The following FRMD6 variants were observed in gnomAD, a reference collection of about 807,000 sequenced individuals.
FRMD6 encodes FERM domain-containing protein 6.
FRMD6 carries 37 observed loss-of-function variants against 73.2 expected under a neutral mutation model. The ratio of observed to expected loss-of-function variants is 0.51; its 90% CI spans 0.39 to 0.66. The LOEUF (loss-of-function observed/expected upper bound fraction) is 0.66. Ranked by LOEUF, FRMD6 falls within the 30% of genes least tolerant of loss-of-function variation. FRMD6 has a pLI of 0.00. For missense variants in FRMD6, 714 were observed against 780.5 expected, an observed-to-expected ratio of 0.91 and a Z score of 1.02; for synonymous variants, 273 against 282.2, an observed-to-expected ratio of 0.97 and a Z score of 0.33.
chr14:51,637,984 A>G (rs1305137856), intron 2 of FRMD6: 2 of 152,202 alleles, frequency 1.3e-5, no homozygotes, highest in Non-Finnish European at 2.9e-5. Context: ...GCAATCTTTA[A>G]GAAATAAAGT....
intron 1 of FRMD6, among the ~76,000 whole-genome samples, chr14:51,687,510 A>G (rs937122498): frequency 2.0e-5 from 3 of 152,306 alleles, no homozygotes; most frequent in African/African-American, 7.2e-5. Flanking sequence ...TCTAAATGGT[A>G]TGCCTAAGAA....
intron 2 of FRMD6, among the ~76,000 whole-genome samples, chr14:51,605,254 G>GTC (rs10681065): frequency 0.74 from 111,228 of 149,546 alleles, 42,710 homozygotes; most frequent in East Asian, 0.89. Flanking sequence ...GTGAACAAAG[G>GTC]TCTGGTTTTC....
the FRMD6 span, among the ~76,000 whole-genome samples, chr14:51,440,974 T>A: frequency 6.6e-6 from 1 of 152,250 alleles, no homozygotes; most frequent in African/African-American, 2.4e-5. Flanking sequence ...TTCTGCAACT[T>A]TTAGATGTTT....
At chr14:51,540,420 C>T (rs780977143) in intron 1 of FRMD6, among the ~76,000 whole-genome samples, 27 of 152,094 alleles carry the variant, frequency 1.8e-4, no homozygotes, top group Admixed American at 2.6e-4. Context: ...GTTTTGAGAC[C>T]TTTTACCCGT....
upstream of FRMD6, among the ~76,000 whole-genome samples, chr14:51,487,486 A>T (rs1882794101): frequency 6.6e-6 from 1 of 152,186 alleles, no homozygotes; most frequent in South Asian, 2.1e-4. Context: ...AGACTGGATT[A>T]AGGCCTGAGG....
intron 2 of FRMD6, among the ~76,000 whole-genome samples, chr14:51,632,012 AC>A (rs1374950910): frequency 3.3e-5 from 5 of 152,242 alleles, no homozygotes; most frequent in Non-Finnish European, 7.4e-5. Context: ...CATAATCTCC[AC>A]ATGTGGAGGG....
At chr14:51,531,939 T>C (rs1464755734) in intron 1 of FRMD6, among the ~76,000 whole-genome samples, 1 of 152,266 alleles carries the variant, frequency 6.6e-6, no homozygotes, top group Non-Finnish European at 1.5e-5. Context: ...GTATATGTGC[T>C]ATCCATCTAT....
the FRMD6 span, among the ~76,000 whole-genome samples, chr14:51,461,076 A>G: frequency 1.3e-5 from 2 of 152,214 alleles, no homozygotes; most frequent in Non-Finnish European, 2.9e-5. Flanking sequence ...TGGGATTAGC[A>G]GATTTTGACT....
At chr14:51,654,315 G>GGT (rs1892664473) in intron 1 of FRMD6, among the ~76,000 whole-genome samples, 1 of 130,942 alleles carries the variant, frequency 7.6e-6, no homozygotes, top group East Asian at 2.4e-4. Flanking sequence ...TGGGGGGGGG[G>GGT]TCTTTTTGTA....
intron 10 of FRMD6, among the ~76,000 whole-genome samples, chr14:51,718,654 T>C (rs1193396271): frequency 6.6e-6 from 1 of 152,212 alleles, no homozygotes; most frequent in Non-Finnish European, 1.5e-5. Flanking sequence ...TGTACATGGA[T>C]GCATTTTTGT....
intron 2 of FRMD6, among the ~76,000 whole-genome samples, chr14:51,570,864 TA>T (rs1888097972): frequency 1.3e-5 from 2 of 152,260 alleles, no homozygotes; most frequent in Non-Finnish European, 1.5e-5. Context: ...GCTTGCTTCA[TA>T]AAATCATACA....
intron 1 of FRMD6, among the ~76,000 whole-genome samples, chr14:51,657,580 GTTTC>G (rs2140137559): frequency 6.6e-6 from 1 of 152,282 alleles, no homozygotes; most frequent in Non-Finnish European, 1.5e-5. Context: ...AATATGCCCA[GTTTC>G]TTTATCCATT....
chr14:51,436,151 A>C, the FRMD6 span: 1 of 262,068 alleles, frequency 3.8e-6, no homozygotes, highest in Non-Finnish European at 7.4e-6. Flanking sequence ...AGAAGGGAGA[A>C]GAAGAGCAAG....
At chr14:51,708,289 G>A in intron 7 of FRMD6, 56 bp downstream of exon 7, 1 of 1,433,280 alleles carries the variant, frequency 7.0e-7, no homozygotes, top group South Asian at 1.2e-5. Context: ...TTCTCAATAG[G>A]ATTGAGAAGG....
chr14:51,564,391 C>T lies in FRMD6; in HGVS notation c.-209-5957C>T, dbSNP rs181707373. Among the ~76,000 whole-genome samples, 3 of 152,128 alleles carry T rather than the reference C, an allele frequency of 2.0e-5. No individual in the cohort carries two copies. In the East Asian group the frequency reaches 5.8e-4, roughly 29 times the overall value. On this transcript the variant is annotated intron_variant, in intron 1 of 14. Transcript: ENST00000356218. Reference sequence around the variant, plus strand: ...AGAACCTGTATGATCTAGTTTTAGACCAAAATCTCTTTTTTAAAAGTTTTA... The same window carrying T: ...AGAACCTGTATGATCTAGTTTTAGATCAAAATCTCTTTTTTAAAAGTTTTA...
chr14:51,721,407 C>T (rs1020642264), intron 11 of FRMD6, among the ~76,000 whole-genome samples: 1 of 152,166 alleles, frequency 6.6e-6, no homozygotes, highest in Non-Finnish European at 1.5e-5. Context: ...GTCAAGAGAT[C>T]AAGGCCATTC....
chr14:51,601,134 G>T (rs766793599), intron 2 of FRMD6, among the ~76,000 whole-genome samples: 5 of 152,130 alleles, frequency 3.3e-5, no homozygotes, highest in Non-Finnish European at 5.9e-5. Flanking sequence ...GGGCAGACCT[G>T]TCCCCCAGCA....
chr14:51,427,171 G>C, the FRMD6 span, among the ~76,000 whole-genome samples: 4 of 152,184 alleles, frequency 2.6e-5, no homozygotes, highest in African/African-American at 9.7e-5. Flanking sequence ...TGGAAAATCG[G>C]TTTATCTCAT....
intron 1 of FRMD6, among the ~76,000 whole-genome samples, chr14:51,665,440 CA>C (rs1191840142): frequency 2.0e-5 from 3 of 152,042 alleles, no homozygotes; most frequent in African/African-American, 7.2e-5. Flanking sequence ...TAAATCTAGC[CA>C]AATTGTTCTT....
Sources: gnomAD v4.1 joint callset for allele counts (sites outside exome capture counted in the v4.1 genomes callset) on GRCh38, gnomAD v4.1.1 for gene constraint, MANE v1.5 for transcripts, NCBI Gene and HGNC (gene_info 2026-07-23, HGNC 2026-07-21) for gene names.